Variants in ALLC observed in about 807,000 individuals in gnomAD.
ALLC encodes the protein probable inactive allantoicase.
In ALLC, 40 loss-of-function variants were observed where a neutral mutation model predicts 45.0. The observed-to-expected ratio is 0.89, with a 90% CI of 0.69 to 1.16. The LOEUF is 1.16. Ranked by LOEUF, ALLC falls within the 50% of genes most tolerant of loss-of-function variation. ALLC has a pLI of 0.00. For missense variants in ALLC, 488 were observed against 493.1 expected (o/e 0.99, Z 0.10); for synonymous variants, 176 against 178.1 (o/e 0.99, Z 0.09).
the ALLC span, among the ~76,000 whole-genome samples, chr2:3,650,077 C>T: frequency 3.9e-5 from 6 of 152,344 alleles, no homozygotes; most frequent in East Asian, 9.6e-4. Context: ...GGGTCTTCAC[C>T]CCTTTCTCCC....
intron 1 of ALLC, among the ~76,000 whole-genome samples, chr2:3,667,992 C>T (rs937401056): frequency 2.0e-5 from 3 of 152,116 alleles, no homozygotes; most frequent in East Asian, 3.9e-4. Flanking sequence ...CTTGAACTCC[C>T]GACCTCAGGT....
intron 1 of ALLC, among the ~76,000 whole-genome samples, chr2:3,668,221 C>T (rs1209014602): frequency 6.6e-6 from 1 of 152,070 alleles, no homozygotes; most frequent in Non-Finnish European, 1.5e-5. Context: ...GATTGTCAGG[C>T]AAAAGCTTGG....
chr2:3,657,593 G>A (rs1217143930), upstream of ALLC, among the ~76,000 whole-genome samples: 3 of 152,206 alleles, frequency 2.0e-5, no homozygotes, highest in Non-Finnish European at 4.4e-5. Context: ...GGCAACGTCT[G>A]TTACTGCATG....
chr2:3,683,169 G>T, intron 7 of ALLC, 95 bp downstream of exon 7: 3 of 1,340,856 alleles, frequency 2.2e-6, no homozygotes, highest in East Asian at 2.4e-5. Context: ...TTTCCTTCTT[G>T]GTAATTGATC....
In ALLC at chr2:3,695,804, C is replaced by T; in HGVS notation, c.599C>T (p.Ala200Val). ...CCCAAAGAACCTGCAGACCTAGTGGCCATCGCTTTTGGGGGTGTCTGTGTA... is the reference window on the plus strand; with the variant it reads ...CCCAAAGAACCTGCAGACCTAGTGGTCATCGCTTTTGGGGGTGTCTGTGTA... ...TDPKEPADLV[A>V]IAFGGVCVGF... The change falls in exon 8 of 12, where the codon GCC becomes GTC. Residue 200 changes from alanine to valine, a missense_variant. Transcript: ENST00000252505. 1 of 1,613,952 alleles carries T rather than the reference C, an allele frequency of 6.2e-7. No homozygotes were observed. Among genetic ancestry groups the T allele is most frequent in the Non-Finnish European group, 8.5e-7 (1 of 1,179,880 alleles).
At position 3,702,457 on chromosome 2, in the gene ALLC, G is replaced by A; in HGVS notation, c.1070G>A (p.Gly357Glu). The A allele has an allele frequency of 1.9e-6, 3 of 1,612,774 alleles. No homozygotes were observed. Among genetic ancestry groups the A allele is most frequent in the Non-Finnish European group, 2.5e-6 (3 of 1,179,754 alleles). ...HARLTIVPDG[G>E]VSRLRLRGFP... ...AGGCTCACCATCGTCCCCGACGGGGGAGTGAGCCGCCTTCGGCTCCGGGGC... is the reference window on the plus strand; with the variant it reads ...AGGCTCACCATCGTCCCCGACGGGGAAGTGAGCCGCCTTCGGCTCCGGGGC... Residue 357 changes from glycine to glutamate, a missense_variant, in exon 12 of 12, where the codon GGA becomes GAA. Physicochemically the swap from Gly to Glu is moderately conservative, Grantham distance 98. Coordinates refer to ENST00000252505, the MANE Select transcript of ALLC (RefSeq NM_018436.4).
the ALLC span, among the ~76,000 whole-genome samples, chr2:3,650,250 G>A: frequency 6.6e-6 from 1 of 152,198 alleles, no homozygotes; most frequent in African/African-American, 2.4e-5. Flanking sequence ...TAGGGAATTA[G>A]ATAGCAAAGC....
At chr2:3,695,974 A>C in intron 8 of ALLC, 102 bp downstream of exon 8, 4 of 1,221,740 alleles carry the variant, frequency 3.3e-6, no homozygotes, top group Non-Finnish European at 4.5e-6. Context: ...GCACATCTCA[A>C]AGCACAGCAG....
intron 1 of ALLC, among the ~76,000 whole-genome samples, chr2:3,658,944 G>A (rs13425655): frequency 0.03 from 4,471 of 150,794 alleles, 235 homozygotes; most frequent in African/African-American, 0.1. Context: ...CAAAACAAGA[G>A]TCACAAAGTA....
At chr2:3,673,442 C>T (rs1402182364) in intron 2 of ALLC, among the ~76,000 whole-genome samples, 3 of 152,228 alleles carry the variant, frequency 2.0e-5, no homozygotes, top group Non-Finnish European at 4.4e-5. Context: ...TGAAACAGCT[C>T]GTCCTTCCTG....
chr2:3,677,931 C>T (rs1169496184), intron 3 of ALLC, among the ~76,000 whole-genome samples: 2 of 152,220 alleles, frequency 1.3e-5, no homozygotes, highest in East Asian at 1.9e-4. Flanking sequence ...TGCGTGTATC[C>T]TCCTCATTCT....
intron 1 of ALLC, among the ~76,000 whole-genome samples, chr2:3,669,382 G>A (rs1251834811): frequency 1.3e-5 from 2 of 152,220 alleles, no homozygotes; most frequent in Non-Finnish European, 2.9e-5. Flanking sequence ...TCTGAGGCAG[G>A]AGAATTGCTT....
the ALLC span, among the ~76,000 whole-genome samples, chr2:3,651,299 GGTGGGTGGGTGGGT>G: frequency 0.1 from 57 of 552 alleles, 16 homozygotes; most frequent in African/African-American, 0.23. Context: ...ATTCTTTTTG[GGTGGGTGGGTGGGT>G]GGGGGGGGTG....
At chr2:3,682,786 A>C (rs1667226238) in intron 6 of ALLC, among the ~76,000 whole-genome samples, 156 bp from the exon 7 acceptor site, 1 of 152,212 alleles carries the variant, frequency 6.6e-6, no homozygotes. Flanking sequence ...CGGCCTCCCA[A>C]GGTGCTGGGA....
chr2:3,647,184 A>G, the ALLC span, among the ~76,000 whole-genome samples: 2 of 152,114 alleles, frequency 1.3e-5, no homozygotes, highest in Non-Finnish European at 2.9e-5. Flanking sequence ...TGTGAATGTA[A>G]TTGGTAATAT....
chr2:3,682,999 C>G lies in ALLC; in HGVS notation c.436C>G (p.Pro146Ala), dbSNP rs764588725. The change falls in exon 7 of 12, where the codon CCT becomes GCT. Residue 146 changes from proline (P) to alanine (A), a missense_variant. Pro to Ala is a conservative substitution (Grantham distance 27). Transcript: ENST00000252505. ...VPMTELKPGNPASGHNYFLVN... is the reference protein window; with the variant it reads ...VPMTELKPGNAASGHNYFLVN... ...CATGACTGAGCTTAAGCCAGGAAAC[C>G]CTGCTTCCGGCCACAACTATTTTCT... 1.3e-5 allele frequency: 21 copies of G among 1,613,856 alleles called. No individual in the cohort carries two copies. In the African/African-American group the frequency reaches 2.7e-4, roughly 21 times the overall value.
chr2:3,652,116 C>T, the ALLC span, among the ~76,000 whole-genome samples: 4 of 152,226 alleles, frequency 2.6e-5, no homozygotes, highest in African/African-American at 7.2e-5. Context: ...CTGGGAGGCC[C>T]GGAGCCCCGC....
At chr2:3,699,563 T>C (rs550111243) in intron 10 of ALLC, among the ~76,000 whole-genome samples, 3 of 152,318 alleles carry the variant, frequency 2.0e-5, no homozygotes, top group African/African-American at 7.2e-5. Context: ...TTTTAGTTCT[T>C]TGAGGAATCG....
chr2:3,664,073 G>A (rs10469832), intron 1 of ALLC, among the ~76,000 whole-genome samples: 8,246 of 152,256 alleles, frequency 0.054, 353 homozygotes, highest in East Asian at 0.21. Flanking sequence ...TGTGAGCCTC[G>A]TACCCAGCAC....
Sources: gnomAD v4.1 joint callset for allele counts (sites outside exome capture counted in the v4.1 genomes callset) on GRCh38, gnomAD v4.1.1 for gene constraint, MANE v1.5 for transcripts, NCBI Gene and HGNC (gene_info 2026-07-23, HGNC 2026-07-21) for gene names.